The following ME3 variants were observed in gnomAD, a reference collection of about 807,000 sequenced individuals.
ME3 encodes NADP-dependent malic enzyme, mitochondrial.
Under a neutral mutation model 68.9 loss-of-function variants are expected in ME3, and 48 were observed. The observed-to-expected ratio is 0.70, with a 90% CI of 0.55 to 0.89. ME3 has a LOEUF of 0.89. Ranked by LOEUF, ME3 falls within the 40% of genes least tolerant of loss-of-function variation. ME3 has a pLI of 0.00. For missense variants in ME3, 675 were observed against 797.4 expected (o/e 0.85, Z 1.85); for synonymous variants, 320 against 318.8 (o/e 1.00, Z -0.04).
chr11:86,551,766 C>G (rs1216328278), intron 4 of ME3, among the ~76,000 whole-genome samples: 2 of 152,192 alleles, frequency 1.3e-5, no homozygotes, highest in Non-Finnish European at 2.9e-5. Flanking sequence ...CACCTATTTG[C>G]AGATAAGAAA....
At chr11:86,548,215 A>G (rs539675277) in intron 4 of ME3, among the ~76,000 whole-genome samples, 15 of 152,338 alleles carry the variant, frequency 9.8e-5, no homozygotes, top group African/African-American at 3.6e-4. Context: ...AGCTTTCACT[A>G]AAAAAGTAAG....
intron 7 of ME3, 26 bp from the exon 8 acceptor site, chr11:86,465,226 C>T: frequency 2.0e-6 from 3 of 1,534,120 alleles, no homozygotes; most frequent in Non-Finnish European, 2.7e-6. Context: ...GGAAGAAACC[C>T]ATGATTGCCT....
At chr11:86,519,464 C>G (rs890224606) in intron 4 of ME3, among the ~76,000 whole-genome samples, 3 of 152,128 alleles carry the variant, frequency 2.0e-5, no homozygotes, top group Admixed American at 1.3e-4. Flanking sequence ...AAAAAAGAAC[C>G]CTGAACAACA....
intron 2 of ME3, among the ~76,000 whole-genome samples, chr11:86,607,987 TCCCA>T (rs1942276726): frequency 6.6e-6 from 1 of 152,144 alleles, no homozygotes; most frequent in African/African-American, 2.4e-5. Flanking sequence ...ATGAGGTATT[TCCCA>T]CATGCTTGGC....
chr11:86,645,679 C>T (rs1376574212), intron 2 of ME3, among the ~76,000 whole-genome samples: 2 of 152,188 alleles, frequency 1.3e-5, no homozygotes, highest in Non-Finnish European at 2.9e-5. Context: ...GCAGACCTCC[C>T]AGCACAGCAA....
At chr11:86,566,847 C>A (rs1957505839) in intron 2 of ME3, among the ~76,000 whole-genome samples, 1 of 152,096 alleles carries the variant, frequency 6.6e-6, no homozygotes, top group Admixed American at 6.5e-5. Flanking sequence ...TAGTACACAT[C>A]CTCCCAGGAC....
At chr11:86,608,892 T>C (rs1181196660) in intron 2 of ME3, among the ~76,000 whole-genome samples, 2 of 152,200 alleles carry the variant, frequency 1.3e-5, no homozygotes, top group African/African-American at 4.8e-5. Context: ...CAGATATACT[T>C]ACTTCTAAAA....
chr11:86,599,556 A>G (rs532269634), intron 2 of ME3, among the ~76,000 whole-genome samples: 2 of 152,334 alleles, frequency 1.3e-5, no homozygotes, highest in East Asian at 3.9e-4. Context: ...AACTTCCCCA[A>G]TCTAGCAAGG....
chr11:86,468,399 TCATC>T (rs886760598), intron 7 of ME3, among the ~76,000 whole-genome samples: 46 of 152,044 alleles, frequency 3.0e-4, no homozygotes, highest in African/African-American at 1.9e-4. Flanking sequence ...CATCCATTCA[TCATC>T]CATCCATCCA....
At chr11:86,544,388 C>T (rs151073923) in intron 4 of ME3, among the ~76,000 whole-genome samples, 1,854 of 152,052 alleles carry the variant, frequency 0.012, 46 homozygotes, top group African/African-American at 0.042. Flanking sequence ...AAAAGATTAA[C>T]AAAACAGATA....
intron 4 of ME3, among the ~76,000 whole-genome samples, chr11:86,539,962 T>C (rs914493378): frequency 2.0e-5 from 3 of 152,234 alleles, no homozygotes; most frequent in Non-Finnish European, 4.4e-5. Context: ...GCCTGAGCCT[T>C]GTTTCCATCT....
chr11:86,522,640 C>G (rs1452061145), intron 4 of ME3, among the ~76,000 whole-genome samples: 1 of 151,726 alleles, frequency 6.6e-6, no homozygotes, highest in Admixed American at 6.6e-5. Flanking sequence ...GTTTGGTTTT[C>G]TGTTTCTGTG....
rs572874437 is a variant in ME3 at position 86,627,289 on chromosome 11, C to T, written c.183+44473G>A. Among the ~76,000 whole-genome samples the T allele has an allele frequency of 2.0e-5, 3 of 152,204 alleles. No homozygotes were observed. The South Asian group carries it at 6.2e-4, about 32-fold the overall frequency. ...ATTAAATGATCTAACATTTAGAAAACAACTTGTATAAATCTAATAGATGCT... is the reference window on the plus strand; with the variant it reads ...ATTAAATGATCTAACATTTAGAAAATAACTTGTATAAATCTAATAGATGCT... On this transcript the variant is annotated intron_variant, in intron 2 of 14. Coordinates refer to ENST00000543262, the Ensembl canonical transcript of ME3.
chr11:86,535,193 C>G (rs1165765975), intron 4 of ME3, among the ~76,000 whole-genome samples: 1 of 152,162 alleles, frequency 6.6e-6, no homozygotes, highest in African/African-American at 2.4e-5. Context: ...GTAATTTTCT[C>G]TGCTCCTTAC....
chr11:86,648,529 T>C (rs1342621603), intron 2 of ME3, among the ~76,000 whole-genome samples: 1 of 139,564 alleles, frequency 7.2e-6, no homozygotes, highest in African/African-American at 2.6e-5. Context: ...AAAAAAAAAA[T>C]CAATGAATCC....
intron 2 of ME3, among the ~76,000 whole-genome samples, chr11:86,585,001 TAAC>T (rs1217771230): frequency 6.6e-6 from 1 of 152,140 alleles, no homozygotes; most frequent in Non-Finnish European, 1.5e-5. Flanking sequence ...TCTTCAAACA[TAAC>T]AACAAAAAAG....
intron 4 of ME3, among the ~76,000 whole-genome samples, chr11:86,526,242 G>T (rs1019710771): frequency 1.3e-5 from 2 of 152,226 alleles, no homozygotes; most frequent in African/African-American, 2.4e-5. Flanking sequence ...GGCTCGGAGG[G>T]TCCTATGCCC....
intron 6 of ME3, 128 bp downstream of exon 6, chr11:86,497,835 G>C: frequency 9.0e-7 from 1 of 1,107,938 alleles, no homozygotes; most frequent in African/African-American, 1.6e-5. Context: ...GGAATGCCCT[G>C]GTCGGGAGGA....
chr11:86,534,089 A>T lies in ME3; in HGVS notation c.467+22464T>A, dbSNP rs1228290193. Among the ~76,000 whole-genome samples the T allele has an allele frequency of 5.6e-3, 127 of 22,850 alleles. 1 individual carries two copies. Among genetic ancestry groups the T allele is most frequent in the African/African-American group, 0.012 (120 of 9,970 alleles). 15.0% of individuals were successfully genotyped at this position (22,850 alleles called of 152,430 possible). ...GAGGTGTGTGTGTGTGTGTATATAT[A>T]TATATATATATATATATATATGTAA... is the stretch of plus-strand genomic sequence containing the variant. On this transcript the variant is annotated intron_variant, in intron 4 of 14. Transcript: ENST00000543262.
Sources: gnomAD v4.1 joint callset for allele counts (sites outside exome capture counted in the v4.1 genomes callset) on GRCh38, gnomAD v4.1.1 for gene constraint, MANE v1.5 for transcripts, NCBI Gene and HGNC (gene_info 2026-07-23, HGNC 2026-07-21) for gene names.